FA2H: variants seen among roughly 807,000 people sequenced by gnomAD.
FA2H encodes the protein fatty acid alpha-hydroxylase.
In FA2H, 22 loss-of-function variants were observed where a neutral mutation model predicts 44.9. The ratio of observed to expected loss-of-function variants is 0.49; its 90% CI spans 0.35 to 0.70. The LOEUF (loss-of-function observed/expected upper bound fraction) is 0.70, where lower values mean the gene tolerates loss of function less well. Among genes scored for constraint, FA2H ranks in the 30% least tolerant of loss-of-function variants. FA2H has a pLI of 0.01. For synonymous variants in FA2H, 243 were observed against 213.2 expected, an observed-to-expected ratio of 1.14 and a Z score of -1.22; for missense variants, 501 against 504.9, an observed-to-expected ratio of 0.99 and a Z score of 0.07.
At chr16:74,755,656 C>T (rs778455557) in intron 1 of FA2H, among the ~76,000 whole-genome samples, 3 of 152,162 alleles carry the variant, frequency 2.0e-5, no homozygotes, top group African/African-American at 7.2e-5. Context: ...TTCAAACATA[C>T]AGCAAACTGG....
At chr16:74,725,409 G>A (rs1265318740) in intron 4 of FA2H, among the ~76,000 whole-genome samples, 1 of 152,200 alleles carries the variant, frequency 6.6e-6, no homozygotes, top group African/African-American at 2.4e-5. Flanking sequence ...TTGTGGGGCT[G>A]GCTGTCCCAG....
At chr16:74,714,477 C>T (rs770884113) in intron 6 of FA2H, among the ~76,000 whole-genome samples, 1 of 152,192 alleles carries the variant, frequency 6.6e-6, no homozygotes, top group Non-Finnish European at 1.5e-5. Flanking sequence ...CTGGAATAAA[C>T]CCTAATTCCT....
At chr16:74,765,402 C>T (rs1265228784) in intron 1 of FA2H, among the ~76,000 whole-genome samples, 1 of 152,198 alleles carries the variant, frequency 6.6e-6, no homozygotes, top group Non-Finnish European at 1.5e-5. Context: ...GGTAATCCGC[C>T]TGCCTTGGCC....
In FA2H at chr16:74,726,283, C is replaced by A. The variant is rs1567636989; in HGVS notation, c.555G>T (p.Trp185Cys). Residue 185 changes from tryptophan to cysteine, a missense_variant, in exon 4 of 7, where the codon TGG (tryptophan) becomes TGT (cysteine). Physicochemically the swap from Trp to Cys is radical, Grantham distance 215. Transcript: ENST00000219368. The part of the protein sequence containing the change: ...IWVPLVLYLS[W>C]SYYRTFAQGN... ...CCTGGGCAAAGGTTCGGTAGTAGGA[C>A]CAGCTGAGATACAGCACCAGGGGCA... 3 of 1,614,068 alleles carry A rather than the reference C, an allele frequency of 1.9e-6. No homozygotes were observed.
At chr16:74,758,178 T>C (rs1962645872) in intron 1 of FA2H, among the ~76,000 whole-genome samples, 1 of 145,278 alleles carries the variant, frequency 6.9e-6, no homozygotes, top group African/African-American at 2.6e-5. Flanking sequence ...TGGAGTGCAA[T>C]GGTGTGATCT....
At chr16:74,735,051 T>A (rs1461462195) in intron 2 of FA2H, among the ~76,000 whole-genome samples, 1 of 152,208 alleles carries the variant, frequency 6.6e-6, no homozygotes, top group Admixed American at 6.5e-5. Context: ...CTATCCTTCA[T>A]GAGCCTTAAT....
At chr16:74,724,228 A>ACTG (rs1961899793) in intron 4 of FA2H, among the ~76,000 whole-genome samples, 1 of 152,084 alleles carries the variant, frequency 6.6e-6, no homozygotes. Context: ...TAAGGAAAGG[A>ACTG]CTGGACGTAC....
intron 1 of FA2H, among the ~76,000 whole-genome samples, chr16:74,764,866 A>G (rs1962778689): frequency 6.6e-6 from 1 of 152,166 alleles, no homozygotes; most frequent in African/African-American, 2.4e-5. Context: ...GGACATACCT[A>G]TGAGTGTCAC....
At chr16:74,726,682 C>T (rs1178073213) in intron 3 of FA2H, among the ~76,000 whole-genome samples, 2 of 152,190 alleles carry the variant, frequency 1.3e-5, no homozygotes, top group African/African-American at 2.4e-5. Context: ...CCACCATGCC[C>T]GGCAGGGTCC....
chr16:74,754,603 C>T (rs1273616012), intron 1 of FA2H, among the ~76,000 whole-genome samples: 1 of 152,112 alleles, frequency 6.6e-6, no homozygotes, highest in Non-Finnish European at 1.5e-5. Context: ...TCTCAGCTCA[C>T]TGAGACCTCT....
At chr16:74,716,123 T>G (rs1292983740) in intron 6 of FA2H, among the ~76,000 whole-genome samples, 1 of 152,114 alleles carries the variant, frequency 6.6e-6, no homozygotes, top group Non-Finnish European at 1.5e-5. Flanking sequence ...CCCAGCCCCT[T>G]TATTTTCTTT....
At chr16:74,772,853 C>A (rs534118198) in intron 1 of FA2H, among the ~76,000 whole-genome samples, 15 of 152,238 alleles carry the variant, frequency 9.9e-5, no homozygotes, top group African/African-American at 3.1e-4. Context: ...CTGTCATTCA[C>A]CTCACTCCAA....
In FA2H at chr16:74,714,004, T is replaced by A; in HGVS notation, c.*186A>T. 1.7e-6 allele frequency: 1 copy of A among 589,086 alleles called. No homozygotes were observed. The highest frequency in any genetic ancestry group is 2.0e-5 in the South Asian group (1 of 48,882). 36.5% of individuals were successfully genotyped at this position (589,086 alleles called of 1,614,324 possible). A position where few individuals can be genotyped will look rare whatever the true frequency, so the allele number is the denominator to read the frequency against. ...CCTGGCCACCAAGTGGATGTGACCC[T>A]CCTACCAGGGGTCAGGAGGGCGGTC... On this transcript the variant is annotated 3_prime_UTR_variant, in exon 7 of 7. Coordinates refer to ENST00000219368, the MANE Select transcript of FA2H (RefSeq NM_024306.5).
chr16:74,719,995 T>C (rs942230302), intron 4 of FA2H, among the ~76,000 whole-genome samples: 2 of 151,676 alleles, frequency 1.3e-5, no homozygotes, highest in Non-Finnish European at 2.9e-5. Flanking sequence ...CTGAAGATGA[T>C]CAGCCTAGGT....
At chr16:74,745,108 C>A (rs537747086) in intron 1 of FA2H, among the ~76,000 whole-genome samples, 1 of 152,300 alleles carries the variant, frequency 6.6e-6, no homozygotes, top group Admixed American at 6.5e-5. Context: ...GACAGAAGCC[C>A]TCATCCCAGT....
intron 1 of FA2H, among the ~76,000 whole-genome samples, chr16:74,774,015 G>C (rs527295676): frequency 1.3e-5 from 2 of 152,182 alleles, no homozygotes; most frequent in Admixed American, 6.5e-5. Context: ...ACTGATCTGT[G>C]CCTCTTTGAA....
intron 5 of FA2H, among the ~76,000 whole-genome samples, chr16:74,718,188 C>T (rs2144604641): frequency 6.6e-6 from 1 of 152,294 alleles, no homozygotes; most frequent in South Asian, 2.1e-4. Context: ...TGCTGGGAAA[C>T]CAAGGTGAAA....
chr16:74,770,144 A>C (rs1962880178), intron 1 of FA2H, among the ~76,000 whole-genome samples: 1 of 151,828 alleles, frequency 6.6e-6, no homozygotes, highest in Non-Finnish European at 1.5e-5. Flanking sequence ...GGTTCATGGC[A>C]CTCCCCTTCC....
rs542629913 is a variant in FA2H at position 74,735,932 on chromosome 16, G to A, written c.363+4091C>T. On this transcript the variant is annotated intron_variant, in intron 2 of 6. Coordinates refer to ENST00000219368, the MANE Select transcript of FA2H (RefSeq NM_024306.5). The stretch of plus-strand genomic sequence containing the variant: ...TGGGAGGTTGAGGCTGCAGTGAGCT[G>A]CAATCTTGCCACTGTACTCCAGCCT... Among the ~76,000 whole-genome samples, 347 of 152,300 alleles carry A rather than the reference G, an allele frequency of 2.3e-3. 2 individuals carry two copies. Among genetic ancestry groups the A allele is most frequent in the African/African-American group, 8.2e-3 (339 of 41,554 alleles).
Sources: allele counts gnomAD v4.1 joint callset (sites outside exome capture counted in the v4.1 genomes callset), GRCh38; gene constraint gnomAD v4.1.1; transcripts MANE v1.5; gene names NCBI Gene and HGNC (gene_info 2026-07-23, HGNC 2026-07-21).